CDC42BPA: variants seen among roughly 807,000 people sequenced by gnomAD.
CDC42BPA encodes serine/threonine-protein kinase MRCK alpha.
Under a neutral mutation model 223.5 loss-of-function variants are expected in CDC42BPA, and 80 were observed. That is an observed-to-expected ratio of 0.36 (90% CI 0.30 to 0.43). The LOEUF is 0.43. Ranked by LOEUF, CDC42BPA falls within the 20% of genes least tolerant of loss-of-function variation. CDC42BPA has a pLI of 1.00. For missense variants in CDC42BPA, 1,743 were observed against 2,099.9 expected (o/e 0.83, Z 3.32); for synonymous variants, 694 against 718.6 (o/e 0.97, Z 0.55).
At chr1:227,181,045 T>A (rs548805408) in intron 5 of CDC42BPA, among the ~76,000 whole-genome samples, 1 of 152,298 alleles carries the variant, frequency 6.6e-6, no homozygotes, top group East Asian at 1.9e-4. Flanking sequence ...AAATTTTGTA[T>A]TTGAACAAAA....
intron 2 of CDC42BPA, among the ~76,000 whole-genome samples, chr1:227,246,999 G>A (rs543294883): frequency 1.3e-5 from 2 of 151,976 alleles, no homozygotes; most frequent in Non-Finnish European, 2.9e-5. Flanking sequence ...TCAGGAGCTC[G>A]AGACCAGCCT....
Position 227,099,784 on chromosome 1 carries a change from G to C in CDC42BPA, c.2249+1208C>G, listed in dbSNP as rs1461940135. On this transcript the variant is annotated intron_variant, in intron 15 of 36. Transcript: ENST00000366766. Reference sequence around the variant, plus strand: ...AACTAAGAAATCAATCACCTTCTCAGTATAGTTTTCCCTGGCCATCCTGTA... The same window carrying C: ...AACTAAGAAATCAATCACCTTCTCACTATAGTTTTCCCTGGCCATCCTGTA... Among the ~76,000 whole-genome samples, 3 of 151,982 alleles carry C rather than the reference G, an allele frequency of 2.0e-5. No homozygotes were observed. In the East Asian group the frequency reaches 5.8e-4, roughly 29 times the overall value.
At chr1:227,025,308 A>C (rs943157104) in intron 31 of CDC42BPA, among the ~76,000 whole-genome samples, 1 of 152,224 alleles carries the variant, frequency 6.6e-6, no homozygotes, top group Non-Finnish European at 1.5e-5. Flanking sequence ...TTTACAAACT[A>C]GAGTATATTT....
chr1:227,174,668 T>G (rs1383701377), intron 5 of CDC42BPA, among the ~76,000 whole-genome samples: 1 of 152,176 alleles, frequency 6.6e-6, no homozygotes, highest in Non-Finnish European at 1.5e-5. Flanking sequence ...AAATCTTGAC[T>G]ATGAAACTAC....
chr1:227,187,400 T>C (rs1309088345), intron 5 of CDC42BPA, among the ~76,000 whole-genome samples: 5 of 151,212 alleles, frequency 3.3e-5, no homozygotes, highest in Admixed American at 1.3e-4. Context: ...AGCTCATTAG[T>C]AGACTAGACA....
rs1414450671 is a variant in CDC42BPA at position 227,127,002 on chromosome 1, T to C, written c.1513+2107A>G. ...TTCCCACCTGCAGGTGACATGATTG[T>C]CAGAATTAAAAATCCCAAAGAATCT... On this transcript the variant is annotated intron_variant, in intron 11 of 36. Transcript: ENST00000366766. Among the ~76,000 whole-genome samples the C allele has an allele frequency of 3.9e-5, 6 of 152,154 alleles. 1 individual carries two copies. The highest frequency in any genetic ancestry group is 6.5e-5 in the Admixed American group (1 of 15,272).
In CDC42BPA at chr1:227,074,248, TAGA is replaced by T; in HGVS notation, c.2586+8_2586+10del. ...TATGATAAGCCTCCATGCAAAATCA[TAGA>T]AGCTTACTGTTGCTCGTGTACCCAA... is the stretch of plus-strand genomic sequence containing the variant. On this transcript the variant is annotated splice_region_variant and intron_variant, in intron 18 of 36. Coordinates refer to ENST00000366766, the MANE Select transcript of CDC42BPA (RefSeq NM_001394014.1). 6.3e-7 allele frequency: 1 copy of T among 1,590,280 alleles called. No individual in the cohort carries two copies. The highest frequency in any genetic ancestry group is 1.7e-5 in the Admixed American group (1 of 58,816).
At chr1:227,099,696 C>A (rs1052745722) in intron 15 of CDC42BPA, among the ~76,000 whole-genome samples, 4 of 152,086 alleles carry the variant, frequency 2.6e-5, no homozygotes, top group Non-Finnish European at 5.9e-5. Flanking sequence ...AAAACTTATT[C>A]TTCTCCATGT....
In CDC42BPA at chr1:227,142,838, T is replaced by C. The variant is rs562343595; in HGVS notation, c.1223+107A>G. On this transcript the variant is annotated intron_variant, in intron 9 of 36. Transcript: ENST00000366766. ...TTTCACCATATTGGCCAGGCTGGTC[T>C]CGATCTCCTGACCTCATGATACACC... is the stretch of plus-strand genomic sequence containing the variant. 48 of 594,194 alleles carry C rather than the reference T, an allele frequency of 8.1e-5. No homozygotes were observed. The East Asian group carries it at 1.9e-3, about 24-fold the overall frequency. 36.8% of individuals were successfully genotyped at this position (594,194 alleles called of 1,614,324 possible). A position where few individuals can be genotyped will look rare whatever the true frequency, so the allele number is the denominator to read the frequency against.
chr1:227,191,503 A>G (rs1025485873), intron 5 of CDC42BPA, among the ~76,000 whole-genome samples: 10 of 152,168 alleles, frequency 6.6e-5, no homozygotes, highest in East Asian at 3.8e-4. Flanking sequence ...TTCAGTCCAC[A>G]TAACAGTATC....
rs116695856 is a variant in CDC42BPA, at chr1:227,195,940, T to A, written c.451-2006A>T. On this transcript the variant is annotated intron_variant, in intron 4 of 36. Coordinates refer to ENST00000366766, the MANE Select transcript of CDC42BPA (RefSeq NM_001394014.1). ...CAATCCAACAAAACTAGGCTAAGAA[T>A]ATTAACAGATAATTCACATAAGAGG... 7.4e-3 allele frequency among the ~76,000 whole-genome samples: 1,127 copies of A among 152,276 alleles called. 10 individuals carry two copies. The highest frequency in any genetic ancestry group is 9.4e-3 in the Non-Finnish European group (640 of 68,016).
Position 227,065,059 on chromosome 1 carries a change from T to C in CDC42BPA, c.2904+4718A>G, listed in dbSNP as rs540229163. Among the ~76,000 whole-genome samples, 3 of 151,484 alleles carry C rather than the reference T, an allele frequency of 2.0e-5. No individual in the cohort carries two copies. In the East Asian group the frequency reaches 5.8e-4, roughly 29 times the overall value. ...TTGCAGTGAGCTGAGATCGCGCCAC[T>C]GCACTCCAGCCTGTGTGAGAGAGCG... On this transcript the variant is annotated intron_variant, in intron 21 of 36. Transcript: ENST00000366766.
intron 1 of CDC42BPA, among the ~76,000 whole-genome samples, chr1:227,273,527 C>T (rs1042305335): frequency 8.7e-4 from 126 of 144,558 alleles, no homozygotes; most frequent in Non-Finnish European, 4.4e-4. Context: ...AAGAGCGAAA[C>T]TCTGTCTCAA....
chr1:227,123,879 T>C (rs555429237), intron 11 of CDC42BPA, among the ~76,000 whole-genome samples: 5 of 147,638 alleles, frequency 3.4e-5, no homozygotes, highest in Admixed American at 3.4e-4. Flanking sequence ...TAGTTTGGGG[T>C]TGGAGAAACA....
rs1474492424 is a variant in CDC42BPA at position 227,272,141 on chromosome 1, G to A, written c.179-17986C>T. Among the ~76,000 whole-genome samples, 6 of 152,088 alleles carry A rather than the reference G, an allele frequency of 3.9e-5. No individual in the cohort carries two copies. In the East Asian group the frequency reaches 1.2e-3, roughly 29 times the overall value. On this transcript the variant is annotated intron_variant, in intron 1 of 36. Coordinates refer to ENST00000366766, the MANE Select transcript of CDC42BPA (RefSeq NM_001394014.1). ...TTTGGAAAAAGAAAGAGAATGTAAA[G>A]ATAATTTTAAGGTCACCTATAAGAA...
At chr1:227,206,340 G>C (rs1235372076) in intron 3 of CDC42BPA, among the ~76,000 whole-genome samples, 1 of 95,112 alleles carries the variant, frequency 1.1e-5, no homozygotes. Context: ...TGATAAATCT[G>C]TGAAATTATT....
chr1:227,229,202 T>C (rs1677379294), intron 2 of CDC42BPA, among the ~76,000 whole-genome samples: 1 of 152,220 alleles, frequency 6.6e-6, no homozygotes, highest in Non-Finnish European at 1.5e-5. Flanking sequence ...GAATATGGTA[T>C]GAAGTAGAGT....
chr1:227,187,277 T>C (rs1668927954), intron 5 of CDC42BPA, among the ~76,000 whole-genome samples: 1 of 152,142 alleles, frequency 6.6e-6, no homozygotes, highest in South Asian at 2.1e-4. Flanking sequence ...TTAAAGATTT[T>C]ATGGTTAAAG....
chr1:227,164,375 G>T (rs1237070554), intron 5 of CDC42BPA, among the ~76,000 whole-genome samples: 1 of 152,158 alleles, frequency 6.6e-6, no homozygotes, highest in Admixed American at 6.5e-5. Context: ...TCTTTGCAAT[G>T]TGACACTTCC....
Sources: gnomAD v4.1 joint callset for allele counts (sites outside exome capture counted in the v4.1 genomes callset) on GRCh38, gnomAD v4.1.1 for gene constraint, MANE v1.5 for transcripts, NCBI Gene and HGNC (gene_info 2026-07-23, HGNC 2026-07-21) for gene names.